Variants in MIGA1 observed in about 807,000 individuals in gnomAD.
MIGA1 encodes the protein mitoguardin 1.
A neutral mutation model predicts 82.0 loss-of-function variants in MIGA1; 58 were observed. That is an observed-to-expected ratio of 0.71 (90% confidence interval 0.57 to 0.88). The LOEUF (loss-of-function observed/expected upper bound fraction) is 0.88. MIGA1 is among the 40% of genes least tolerant of loss of function. The pLI, the probability that MIGA1 is intolerant of heterozygous loss-of-function variation, is 0.00. For synonymous variants in MIGA1, 249 were observed against 253.6 expected (o/e 0.98, Z 0.17); for missense variants, 751 against 749.1 (o/e 1.00, Z -0.03).
At position 77,862,396 on chromosome 1, in the gene MIGA1, A is replaced by AAG. The variant is rs368263161; in HGVS notation, c.1374+1076_1374+1077dup. On this transcript the variant is annotated intron_variant, in intron 12 of 15. Transcript: ENST00000370791. ...TGGGAGGTGGAGGTGGCAGAGAGTC[A>AAG]AGATCGCGCCACTGTACTCCAGCCT... Among the ~76,000 whole-genome samples, 348 of 151,052 alleles carry AAG rather than the reference A, an allele frequency of 2.3e-3. 2 individuals carry two copies. Among genetic ancestry groups the AAG allele is most frequent in the African/African-American group, 7.8e-3 (322 of 41,098 alleles).
intron 7 of MIGA1, among the ~76,000 whole-genome samples, chr1:77,832,165 A>G (rs1684267881): frequency 1.3e-5 from 2 of 152,238 alleles, no homozygotes. Context: ...ATTGATGTGT[A>G]GGAACAGATT....
chr1:77,870,299 C>G (rs755053393), intron 14 of MIGA1, among the ~76,000 whole-genome samples: 1 of 114,580 alleles, frequency 8.7e-6, no homozygotes, highest in African/African-American at 3.2e-5. Flanking sequence ...GGGTGGCTGC[C>G]GGACGGAGGG....
chr1:77,791,265 A>T (rs1486037791), intron 2 of MIGA1, among the ~76,000 whole-genome samples: 1 of 144,530 alleles, frequency 6.9e-6, no homozygotes, highest in African/African-American at 2.6e-5. Context: ...AAAAAAAAAA[A>T]CAAAAAACTG....
At position 77,879,243 on chromosome 1, in the gene MIGA1, G is replaced by A. The variant is rs1186627132; in HGVS notation, c.*4179G>A. ...TTTTTTTGCTTAGATTTAGAAATAT[G>A]TATGTGAAATTTAAGAATTTATATA... On this transcript the variant is annotated 3_prime_UTR_variant, in exon 16 of 16. Transcript: ENST00000370791. 6.6e-6 allele frequency: 1 copy of A among 152,142 alleles called. No individual in the cohort carries two copies. Among genetic ancestry groups the A allele is most frequent in the African/African-American group, 2.4e-5 (1 of 41,434 alleles). The allele number at this position is 152,142 out of a possible 1,614,324, so 9.4% of individuals were successfully genotyped here. A position where few individuals can be genotyped will look rare whatever the true frequency, so the allele number is the denominator to read the frequency against.
intron 2 of MIGA1, among the ~76,000 whole-genome samples, chr1:77,784,417 A>T (rs1273210308): frequency 6.6e-6 from 1 of 152,026 alleles, no homozygotes; most frequent in Non-Finnish European, 1.5e-5. Context: ...GAAGAGACAG[A>T]GTCTCAGCAT....
chr1:77,809,248 C>T (rs999866620), intron 5 of MIGA1, among the ~76,000 whole-genome samples: 7 of 152,208 alleles, frequency 4.6e-5, no homozygotes, highest in East Asian at 1.9e-4. Context: ...CTGTGGACCA[C>T]CTGGTATCAT....
Position 77,811,456 on chromosome 1 carries a change from G to A in MIGA1, c.638-2278G>A. 5 of 1,544,248 alleles carry A rather than the reference G, an allele frequency of 3.2e-6. No homozygotes were observed. In the South Asian group the frequency reaches 3.3e-5, roughly 10 times the overall value. On this transcript the variant is annotated intron_variant, in intron 5 of 15. Coordinates refer to ENST00000370791, the MANE Select transcript of MIGA1 (RefSeq NM_198549.4). ...TAATGGGACAGGCTGAACATCAAAT[G>A]GGAATTCTTTATTATATGTAAGAAT...
intron 14 of MIGA1, among the ~76,000 whole-genome samples, chr1:77,872,628 G>A (rs1385013559): frequency 6.6e-6 from 1 of 152,112 alleles, no homozygotes; most frequent in Non-Finnish European, 1.5e-5. Context: ...ATACAGAAAT[G>A]TGTCTCAGCA....
chr1:77,823,945 G>A (rs1683935140), intron 7 of MIGA1, among the ~76,000 whole-genome samples: 1 of 152,138 alleles, frequency 6.6e-6, no homozygotes, highest in Non-Finnish European at 1.5e-5. Flanking sequence ...CCATACTGTT[G>A]TTTATACGCA....
chr1:77,817,679 A>G (rs1031901236), intron 7 of MIGA1, among the ~76,000 whole-genome samples: 3 of 152,228 alleles, frequency 2.0e-5, no homozygotes, highest in African/African-American at 7.2e-5. Context: ...TACAACTGTT[A>G]CTTGACATTG....
rs78004740 is a variant in MIGA1, at chr1:77,843,427, A to G, written c.996+20A>G. The G allele has an allele frequency of 3.4e-4, 534 of 1,578,030 alleles. 3 individuals are homozygous for G. In the East Asian group the frequency reaches 0.01, roughly 30 times the overall value. On this transcript the variant is annotated intron_variant, in intron 8 of 15. Transcript: ENST00000370791. ...GCAGAGGTAGGACATATGTGTTCCTAATGAGGATTTCTGTTTCTTTTTTGG... is the reference window on the plus strand; with the variant it reads ...GCAGAGGTAGGACATATGTGTTCCTGATGAGGATTTCTGTTTCTTTTTTGG...
At chr1:77,804,589 A>G (rs1483706869) in intron 4 of MIGA1, among the ~76,000 whole-genome samples, 1 of 152,104 alleles carries the variant, frequency 6.6e-6, no homozygotes, top group African/African-American at 2.4e-5. Context: ...TGATCCACTC[A>G]ATTCCCCGCC....
intron 5 of MIGA1, 73 bp downstream of exon 5, chr1:77,807,174 T>C: frequency 8.0e-7 from 1 of 1,242,688 alleles, no homozygotes; most frequent in Non-Finnish European, 1.1e-6. Context: ...TTTTTATTTA[T>C]TGAGACAGAC....
chr1:77,806,245 G>T (rs1402660216), intron 4 of MIGA1, among the ~76,000 whole-genome samples: 1 of 152,182 alleles, frequency 6.6e-6, no homozygotes, highest in African/African-American at 2.4e-5. Context: ...AATGGTATTT[G>T]TGTATCTAAA....
At chr1:77,829,537 C>T (rs1684156261) in intron 7 of MIGA1, among the ~76,000 whole-genome samples, 1 of 152,138 alleles carries the variant, frequency 6.6e-6, no homozygotes, top group South Asian at 2.1e-4. Flanking sequence ...GGCGCGATCT[C>T]AGCTCACTGC....
chr1:77,792,742 T>C (rs547132842), intron 2 of MIGA1, among the ~76,000 whole-genome samples: 4 of 152,132 alleles, frequency 2.6e-5, no homozygotes, highest in South Asian at 2.1e-4. Flanking sequence ...TGAAATGAAA[T>C]GTCTCTTCAT....
intron 8 of MIGA1, chr1:77,847,954 G>C: frequency 7.8e-7 from 1 of 1,275,458 alleles, no homozygotes; most frequent in East Asian, 2.3e-5. Flanking sequence ...AGGTCGTAGA[G>C]ACCCCTGAGA....
At chr1:77,846,531 G>C (rs1249139344) in intron 8 of MIGA1, among the ~76,000 whole-genome samples, 1 of 151,938 alleles carries the variant, frequency 6.6e-6, no homozygotes, top group Non-Finnish European at 1.5e-5. Context: ...GTGGGGTCTT[G>C]TCAGGTTGCC....
At chr1:77,788,027 C>G (rs917423125) in intron 2 of MIGA1, among the ~76,000 whole-genome samples, 1 of 151,696 alleles carries the variant, frequency 6.6e-6, no homozygotes, top group Non-Finnish European at 1.5e-5. Context: ...CGCTTCTTCA[C>G]CCAGGTTAGA....
Sources: gnomAD v4.1 joint callset for allele counts (sites outside exome capture counted in the v4.1 genomes callset) on GRCh38, gnomAD v4.1.1 for gene constraint, MANE v1.5 for transcripts, NCBI Gene and HGNC (gene_info 2026-07-23, HGNC 2026-07-21) for gene names.